ZNF93: variants seen among roughly 807,000 people sequenced by gnomAD.
The protein encoded by ZNF93 is zinc finger protein 93.
ZNF93 carries 29 observed loss-of-function variants against 45.0 expected under a neutral mutation model. The ratio of observed to expected loss-of-function variants is 0.64; its 90% CI spans 0.48 to 0.88. ZNF93 has a LOEUF of 0.88. ZNF93 is among the 40% of genes least tolerant of loss of function. The pLI, the probability that ZNF93 is intolerant of heterozygous loss-of-function variation, is 0.00. For synonymous variants in ZNF93, 223 were observed against 244.6 expected, an observed-to-expected ratio of 0.91 and a Z score of 0.82; for missense variants, 578 against 724.0, an observed-to-expected ratio of 0.80 and a Z score of 2.31.
In ZNF93 at chr19:19,933,555, C is replaced by T. The variant is rs555525079; in HGVS notation, c.600C>T (p.Pro200=). 6.2e-7 allele frequency: 1 copy of T among 1,607,788 alleles called. No individual in the cohort carries two copies. Among genetic ancestry groups the T allele is most frequent in the South Asian group, 1.1e-5 (1 of 89,958 alleles). ...THKKIHTGEK[P]YICEECGKAF... The stretch of plus-strand genomic sequence containing the variant: ...AGAAAATTCATACTGGAGAGAAACC[C>T]TACATTTGTGAAGAATGTGGCAAAG... Residue 200 remains proline, a synonymous_variant, in exon 4 of 4, where the codon CCC becomes CCT. Coordinates refer to ENST00000343769, the MANE Select transcript of ZNF93 (RefSeq NM_031218.4).
chr19:19,932,426 T>G (rs968337469), intron 3 of ZNF93: 1 of 152,294 alleles, frequency 6.6e-6, no homozygotes, highest in Non-Finnish European at 1.5e-5. Context: ...AGAGTATAAC[T>G]GCTTTATATA....
At chr19:19,915,558 G>C (rs1269687125) in intron 2 of ZNF93, 152 bp downstream of exon 2, 1 of 1,195,318 alleles carries the variant, frequency 8.4e-7, no homozygotes, top group African/African-American at 1.6e-5. Flanking sequence ...ATTTAGAAAA[G>C]AATTTCTTCA....
chr19:19,930,648 C>T (rs1227959672), intron 3 of ZNF93, among the ~76,000 whole-genome samples: 2 of 152,190 alleles, frequency 1.3e-5, no homozygotes, highest in Non-Finnish European at 2.9e-5. Context: ...TCACTCTTGT[C>T]TTCTGGTAAC....
At chr19:19,917,351 A>G (rs1267031924) in intron 3 of ZNF93, among the ~76,000 whole-genome samples, 1 of 152,100 alleles carries the variant, frequency 6.6e-6, no homozygotes, top group South Asian at 2.1e-4. Context: ...AGTTATAGAC[A>G]TAAAATATTT....
At chr19:19,914,936 T>G in intron 1 of ZNF93, 1 of 330,994 alleles carries the variant, frequency 3.0e-6, no homozygotes, top group Non-Finnish European at 5.8e-6. Context: ...AGAGGTGACT[T>G]CTAACTCAAC....
intron 1 of ZNF93, chr19:19,909,515 G>A (rs969729197): frequency 5.9e-5 from 9 of 152,208 alleles, no homozygotes; most frequent in African/African-American, 9.6e-5. Context: ...GGTGAATTTA[G>A]GATGAACTAT....
At chr19:19,908,174 G>A (rs998392049) in intron 1 of ZNF93, 1 of 152,154 alleles carries the variant, frequency 6.6e-6, no homozygotes, top group Non-Finnish European at 1.5e-5. Flanking sequence ...GACAGGTGAT[G>A]TGGCCACCAA....
chr19:19,932,785 C>A (rs1257111720), intron 3 of ZNF93: 2 of 153,368 alleles, frequency 1.3e-5, no homozygotes, highest in African/African-American at 4.8e-5. Flanking sequence ...AACATTGTTC[C>A]TGTTTTTGAA....
chr19:19,927,364 A>G (rs547653993), intron 3 of ZNF93: 9 of 395,924 alleles, frequency 2.3e-5, no homozygotes, highest in East Asian at 2.1e-4. Flanking sequence ...TCTCAAAAAA[A>G]GCTGTTCATT....
chr19:19,927,632 A>G (rs534161021), intron 3 of ZNF93, among the ~76,000 whole-genome samples: 11 of 152,344 alleles, frequency 7.2e-5, no homozygotes, highest in African/African-American at 2.2e-4. Context: ...TTCATCTAAA[A>G]AGGTGACAAG....
At position 19,916,589 on chromosome 19, in the gene ZNF93, G is replaced by A. The variant is rs373401112; in HGVS notation, c.160G>A (p.Ala54Thr). 7.4e-6 allele frequency: 12 copies of A among 1,611,664 alleles called. No individual in the cohort carries two copies. Among genetic ancestry groups the A allele is most frequent in the East Asian group, 4.5e-5 (2 of 44,772 alleles). ...GIVVSKPDLI[A>T]HLEQGKKPLT... ...TGTTGTCTCTAAGCCAGACCTGATC[G>A]CCCATCTGGAGCAAGGAAAAAAACC... is the stretch of plus-strand genomic sequence containing the variant. The change falls in exon 3 of 4, where the codon GCC (alanine) becomes ACC (threonine). Residue 54 changes from alanine to threonine, a missense_variant. Ala to Thr is a moderately conservative substitution (Grantham distance 58). Transcript: ENST00000343769.
chr19:19,912,266 T>G (rs2063310927), intron 1 of ZNF93, among the ~76,000 whole-genome samples: 1 of 152,076 alleles, frequency 6.6e-6, no homozygotes, highest in South Asian at 2.1e-4. Context: ...GTTTCCTAGT[T>G]GCATAGAGAA....
At chr19:19,920,327 T>C (rs1342046552) in intron 3 of ZNF93, among the ~76,000 whole-genome samples, 1 of 152,218 alleles carries the variant, frequency 6.6e-6, no homozygotes, top group Non-Finnish European at 1.5e-5. Flanking sequence ...GATAAGCTTT[T>C]TGATGTGTTG....
At chr19:19,912,060 AT>A (rs1176071931) in intron 1 of ZNF93, among the ~76,000 whole-genome samples, 1 of 152,024 alleles carries the variant, frequency 6.6e-6, no homozygotes. Context: ...TATATTTTCT[AT>A]TTCTTTTACC....
chr19:19,933,449 T>G lies in ZNF93; in HGVS notation c.494T>G (p.Ile165Arg). 5 of 1,602,658 alleles carry G rather than the reference T, an allele frequency of 3.1e-6. No individual in the cohort carries two copies. The highest frequency in any genetic ancestry group is 4.2e-6 in the Non-Finnish European group (5 of 1,176,488). ...TTTTCAAATTCAAATAGACATAATA[T>G]AAGACATACTGAAAAAAAACCTTTC... Reference protein sequence around the residue: ...HKFSNSNRHNIRHTEKKPFKC... With the variant: ...HKFSNSNRHNRRHTEKKPFKC... The change falls in exon 4 of 4, where the codon ATA becomes AGA. Residue 165 changes from isoleucine to arginine, a missense_variant. This residue lies in a region of ZNF93 where 446 missense variants were observed against 547.6 expected (regional missense o/e 0.81). Coordinates refer to ENST00000343769, the MANE Select transcript of ZNF93 (RefSeq NM_031218.4).
chr19:19,909,479 T>C (rs1486021705), intron 1 of ZNF93: 2 of 152,268 alleles, frequency 1.3e-5, no homozygotes, highest in African/African-American at 2.4e-5. Flanking sequence ...GCAATTAGTA[T>C]ACACAGATGG....
chr19:19,926,303 T>C, intron 3 of ZNF93: 1 of 151,238 alleles, frequency 6.6e-6, no homozygotes, highest in Non-Finnish European at 1.5e-5. Flanking sequence ...GGTCTTGAAC[T>C]CCTGACCTCA....
chr19:19,904,964 CTG>C (rs1444033137), intron 1 of ZNF93, among the ~76,000 whole-genome samples: 4 of 151,398 alleles, frequency 2.6e-5, no homozygotes, highest in East Asian at 1.9e-4. Context: ...CATTTTTGAT[CTG>C]TGTTTTTTTC....
Position 19,935,305 on chromosome 19 carries a change from G to A in ZNF93, c.*487G>A, listed in dbSNP as rs1394280578. 1 of 160,654 alleles carries A rather than the reference G, an allele frequency of 6.2e-6. No individual in the cohort carries two copies. The highest frequency in any genetic ancestry group is 1.4e-5 in the Non-Finnish European group (1 of 73,150). 10.0% of individuals were successfully genotyped at this position (160,654 alleles called of 1,614,324 possible). ...CCCTCTAACAAGCCAGCTAAAGGTG[G>A]ACTATAGTGCAGACCCAGCAACCTT... On this transcript the variant is annotated 3_prime_UTR_variant, in exon 4 of 4. Coordinates refer to ENST00000343769, the MANE Select transcript of ZNF93 (RefSeq NM_031218.4).
Sources: allele counts gnomAD v4.1 joint callset (sites outside exome capture counted in the v4.1 genomes callset), GRCh38; gene constraint gnomAD v4.1.1; regional missense constraint gnomAD v4.1.1; transcripts MANE v1.5; gene names NCBI Gene and HGNC (gene_info 2026-07-23, HGNC 2026-07-21).